The following FHIT variants were observed in gnomAD, a reference collection of about 807,000 sequenced individuals.
FHIT encodes the protein bis(5'-adenosyl)-triphosphatase.
In FHIT, 19 loss-of-function variants were observed where a neutral mutation model predicts 17.9. The observed-to-expected ratio is 1.06, with a 90% CI of 0.74 to 1.56. The LOEUF is 1.56. FHIT is among the 40% of genes most tolerant of loss of function. The probability of loss-of-function intolerance (pLI) is 0.00; values close to 1 mark genes in which losing one functional copy is unlikely to be tolerated. For missense variants in FHIT, 248 were observed against 189.2 expected (o/e 1.31, Z -1.82); for synonymous variants, 81 against 69.7 (o/e 1.16, Z -0.81).
chr3:61,026,877 C>T (rs1165351454), intron 3 of FHIT, among the ~76,000 whole-genome samples: 1 of 152,126 alleles, frequency 6.6e-6, no homozygotes, highest in Non-Finnish European at 1.5e-5. Flanking sequence ...AACCAAACAC[C>T]ACTTTTGAGT....
chr3:60,604,157 A>C (rs2038533293), intron 4 of FHIT, among the ~76,000 whole-genome samples: 1 of 152,178 alleles, frequency 6.6e-6, no homozygotes, highest in African/African-American at 2.4e-5. Context: ...AAGGATTTAC[A>C]TTTAGTACAG....
chr3:60,880,738 A>AAAC (rs3046744), intron 3 of FHIT, among the ~76,000 whole-genome samples: 30 of 151,640 alleles, frequency 2.0e-4, no homozygotes, highest in African/African-American at 6.5e-4. Flanking sequence ...TCTCAAAAAC[A>AAAC]AACAACAACA....
chr3:59,902,082 C>T (rs1242368915), intron 8 of FHIT, among the ~76,000 whole-genome samples: 1 of 152,072 alleles, frequency 6.6e-6, no homozygotes, highest in African/African-American at 2.4e-5. Flanking sequence ...ACATAAGAAA[C>T]CCATTCAACT....
At chr3:60,357,110 A>G (rs562555933) in intron 5 of FHIT, among the ~76,000 whole-genome samples, 1 of 152,314 alleles carries the variant, frequency 6.6e-6, no homozygotes, top group Admixed American at 6.5e-5. Context: ...TGATCTGTCT[A>G]AAATATTATG....
chr3:60,325,911 G>A (rs565680871), intron 5 of FHIT, among the ~76,000 whole-genome samples: 1 of 152,326 alleles, frequency 6.6e-6, no homozygotes, highest in South Asian at 2.1e-4. Flanking sequence ...CCAAATGTGT[G>A]TAATCATGAC....
intron 4 of FHIT, among the ~76,000 whole-genome samples, chr3:60,669,875 T>C (rs1005239612): frequency 6.6e-6 from 1 of 152,184 alleles, no homozygotes; most frequent in East Asian, 1.9e-4. Context: ...ATAACAGCAT[T>C]AGGCAGGAAA....
intron 1 of FHIT, among the ~76,000 whole-genome samples, chr3:61,211,370 AG>A (rs1218263095): frequency 5.3e-5 from 8 of 152,234 alleles, no homozygotes; most frequent in African/African-American, 1.9e-4. Context: ...CCTGGCTCGA[AG>A]GGTCCTATGC....
chr3:59,775,270 A>AC (rs1179620947), intron 8 of FHIT, among the ~76,000 whole-genome samples: 13 of 152,164 alleles, frequency 8.5e-5, no homozygotes, highest in Non-Finnish European at 4.4e-5. Flanking sequence ...ACCAGGTTCA[A>AC]ACCACTGCAA....
chr3:60,798,983 A>T (rs1333728366), intron 4 of FHIT, among the ~76,000 whole-genome samples: 3 of 151,988 alleles, frequency 2.0e-5, no homozygotes, highest in Non-Finnish European at 4.4e-5. Flanking sequence ...TTGGGATTAC[A>T]GGTGTACTGT....
chr3:60,182,363 G>A (rs1012650451), intron 5 of FHIT, among the ~76,000 whole-genome samples: 1 of 152,186 alleles, frequency 6.6e-6, no homozygotes, highest in Non-Finnish European at 1.5e-5. Context: ...GATTTGGTGA[G>A]AGCACTGCCT....
intron 4 of FHIT, among the ~76,000 whole-genome samples, chr3:60,696,565 C>G (rs562894625): frequency 6.6e-6 from 1 of 152,152 alleles, no homozygotes; most frequent in Non-Finnish European, 1.5e-5. Flanking sequence ...GAAAAATGTG[C>G]CATTCTCAGC....
intron 5 of FHIT, among the ~76,000 whole-genome samples, chr3:60,529,000 ATAC>A (rs1367673328): frequency 6.6e-6 from 1 of 152,188 alleles, no homozygotes. Context: ...ATGCAGGCAG[ATAC>A]AAGCTAAACC....
At chr3:60,543,511 G>A (rs188921742) in intron 4 of FHIT, among the ~76,000 whole-genome samples, 2 of 152,088 alleles carry the variant, frequency 1.3e-5, no homozygotes, top group Non-Finnish European at 2.9e-5. Flanking sequence ...TAAAACTCTT[G>A]TAATAGAGTT....
intron 4 of FHIT, among the ~76,000 whole-genome samples, chr3:60,764,427 G>A (rs1553720901): frequency 6.6e-6 from 1 of 152,198 alleles, no homozygotes; most frequent in African/African-American, 2.4e-5. Flanking sequence ...GGTAGGTGGG[G>A]AGGTGGATGA....
At chr3:60,195,188 C>CA (rs755019264) in intron 5 of FHIT, among the ~76,000 whole-genome samples, 3 of 150,832 alleles carry the variant, frequency 2.0e-5, no homozygotes, top group African/African-American at 2.4e-5. Flanking sequence ...AACAAACAAC[C>CA]AAAAAAAACC....
chr3:60,926,790 A>G (rs533021199), intron 3 of FHIT, among the ~76,000 whole-genome samples: 1 of 152,332 alleles, frequency 6.6e-6, no homozygotes, highest in South Asian at 2.1e-4. Flanking sequence ...AAGATCAACA[A>G]AATTGATAGA....
intron 3 of FHIT, among the ~76,000 whole-genome samples, chr3:60,943,859 A>G (rs886086862): frequency 4.6e-5 from 7 of 152,184 alleles, no homozygotes; most frequent in Admixed American, 1.3e-4. Context: ...AAGATGGCTA[A>G]TCCACTACTA....
intron 5 of FHIT, among the ~76,000 whole-genome samples, chr3:60,445,906 A>T (rs2031299489): frequency 6.6e-6 from 1 of 152,172 alleles, no homozygotes; most frequent in South Asian, 2.1e-4. Flanking sequence ...AGACTGATTA[A>T]ATAAAAATCA....
At chr3:60,860,339 G>C (rs62654844) in intron 3 of FHIT, among the ~76,000 whole-genome samples, 808 of 26,230 alleles carry the variant, frequency 0.031, 23 homozygotes, top group Middle Eastern at 0.11. Flanking sequence ...GTATACATGA[G>C]ATACATCATA....
Sources: allele counts gnomAD v4.1 joint callset (sites outside exome capture counted in the v4.1 genomes callset), GRCh38; gene constraint gnomAD v4.1.1; transcripts MANE v1.5; gene names NCBI Gene and HGNC (gene_info 2026-07-23, HGNC 2026-07-21).